OLFM2: variants seen among roughly 807,000 people sequenced by gnomAD.
OLFM2 encodes the protein noelin-2.
Under a neutral mutation model 43.9 loss-of-function variants are expected in OLFM2, and 20 were observed. The observed-to-expected ratio is 0.46, with a 90% CI of 0.32 to 0.66. The LOEUF is 0.66. Ranked by LOEUF, OLFM2 falls within the 30% of genes least tolerant of loss-of-function variation. The pLI, the probability that OLFM2 is intolerant of heterozygous loss-of-function variation, is 0.04. For missense variants in OLFM2, 416 were observed against 643.6 expected (o/e 0.65, Z 3.83); for synonymous variants, 268 against 278.6 (o/e 0.96, Z 0.38).
At chr19:9,914,609 T>C (rs1218326244) in intron 1 of OLFM2, among the ~76,000 whole-genome samples, 1 of 150,460 alleles carries the variant, frequency 6.6e-6, no homozygotes, top group Non-Finnish European at 1.5e-5. Flanking sequence ...CTTGCAACTT[T>C]AACTTTGGGT....
At chr19:9,893,816 T>G (rs956917231) in intron 1 of OLFM2, among the ~76,000 whole-genome samples, 5 of 152,150 alleles carry the variant, frequency 3.3e-5, no homozygotes, top group African/African-American at 1.2e-4. Flanking sequence ...TTTCAAGGAT[T>G]ATTACCAGGG....
rs111395145 is a variant in OLFM2, at chr19:9,892,557, G to A, written c.64-31763C>T. On this transcript the variant is annotated intron_variant, in intron 1 of 5. Transcript: ENST00000264833. ...AAAACCCTGTCTCTACTAAAAATACGAAAATTAGCTAGGCTTGGTGGCGGG... is the reference window on the plus strand; with the variant it reads ...AAAACCCTGTCTCTACTAAAAATACAAAAATTAGCTAGGCTTGGTGGCGGG... Among the ~76,000 whole-genome samples the A allele has an allele frequency of 9.3e-3, 1,406 of 151,980 alleles. 21 individuals are homozygous for A. The highest frequency in any genetic ancestry group is 0.032 in the African/African-American group (1,347 of 41,514).
intron 1 of OLFM2, among the ~76,000 whole-genome samples, chr19:9,932,665 C>T (rs1385454021): frequency 2.6e-5 from 4 of 151,974 alleles, no homozygotes; most frequent in African/African-American, 4.8e-5. Flanking sequence ...CCCTGAGGCA[C>T]GTGATCTAAA....
chr19:9,896,708 T>C (rs1416566855), intron 1 of OLFM2, among the ~76,000 whole-genome samples: 1 of 152,190 alleles, frequency 6.6e-6, no homozygotes, highest in Non-Finnish European at 1.5e-5. Flanking sequence ...CCAAATTACA[T>C]CAAATCTCCT....
chr19:9,909,361 T>A (rs2046810006), intron 1 of OLFM2, among the ~76,000 whole-genome samples: 1 of 152,154 alleles, frequency 6.6e-6, no homozygotes, highest in South Asian at 2.1e-4. Flanking sequence ...CTTAGTCTGG[T>A]CCTGGATTTA....
chr19:9,924,907 C>CGT (rs2086443527), intron 1 of OLFM2, among the ~76,000 whole-genome samples: 1 of 150,368 alleles, frequency 6.7e-6, no homozygotes, highest in African/African-American at 2.5e-5. Flanking sequence ...TATATATATG[C>CGT]GTGTATATAT....
intron 1 of OLFM2, among the ~76,000 whole-genome samples, chr19:9,919,377 A>G (rs557143879): frequency 6.6e-6 from 1 of 152,254 alleles, no homozygotes; most frequent in African/African-American, 2.4e-5. Context: ...TGTGTTAGCC[A>G]GGATGGTCTC....
In OLFM2 at chr19:9,854,999, C is replaced by T; in HGVS notation, c.688-136G>A. The stretch of plus-strand genomic sequence containing the variant: ...GGGAACTCTGTTGACCATTCATTAC[C>T]AATTATGGCCCTAGTGTGACCATGA... On this transcript the variant is annotated intron_variant, in intron 5 of 5. Coordinates refer to ENST00000264833, the MANE Select transcript of OLFM2 (RefSeq NM_058164.4). This position sits in a 1 kb window ranked among gnomAD's most constrained non-coding sequence, Gnocchi z 9.5. The T allele has an allele frequency of 1.5e-6, 1 of 659,330 alleles. No homozygotes were observed. Among genetic ancestry groups the T allele is most frequent in the South Asian group, 2.0e-5 (1 of 50,524 alleles). The allele number at this position is 659,330 out of a possible 1,614,324, so 40.8% of individuals were successfully genotyped here.
At chr19:9,930,960 C>T (rs1396298767) in intron 1 of OLFM2, among the ~76,000 whole-genome samples, 2 of 152,136 alleles carry the variant, frequency 1.3e-5, no homozygotes, top group African/African-American at 2.4e-5. Context: ...CATACGCACG[C>T]GCCCACGCAC....
intron 1 of OLFM2, among the ~76,000 whole-genome samples, chr19:9,908,173 T>C (rs10410395): frequency 0.64 from 97,550 of 151,924 alleles, 31,852 homozygotes; most frequent in African/African-American, 0.75. Context: ...TCCTCCAACA[T>C]GCCAGGCGTG....
chr19:9,870,961 C>T (rs1005941062), intron 1 of OLFM2, among the ~76,000 whole-genome samples: 2 of 151,968 alleles, frequency 1.3e-5, no homozygotes, highest in African/African-American at 4.8e-5. Flanking sequence ...TTTGGGAGGC[C>T]GAGGTGAGCT....
At chr19:9,925,711 G>T (rs375453131) in intron 1 of OLFM2, among the ~76,000 whole-genome samples, 2 of 151,912 alleles carry the variant, frequency 1.3e-5, no homozygotes, top group South Asian at 2.1e-4. Flanking sequence ...TGGGATTACA[G>T]GTGTGAGCCA....
chr19:9,903,906 T>G (rs1002900906), intron 1 of OLFM2, among the ~76,000 whole-genome samples: 1 of 152,176 alleles, frequency 6.6e-6, no homozygotes, highest in Non-Finnish European at 1.5e-5. Context: ...CTACTTGTTA[T>G]TCTACTGAAG....
chr19:9,857,461 C>G lies in OLFM2; in HGVS notation c.382G>C (p.Glu128Gln). The G allele has an allele frequency of 6.2e-7, 1 of 1,613,938 alleles. No individual in the cohort carries two copies. The highest frequency in any genetic ancestry group is 8.5e-7 in the Non-Finnish European group (1 of 1,180,026). ...SFQELKDRMT[E>Q]LLPLSSVLEQ... ...AGGACCGAGCTCAGGGGCAACAGTT[C>G]CGTCATCCTGTCCTTCAGCTCCTGT... Residue 128 changes from glutamate (E) to glutamine (Q), a missense_variant, in exon 4 of 6, where the codon GAA becomes CAA. Transcript: ENST00000264833. The surrounding 1 kb of genome is among the most constrained non-coding windows in gnomAD (Gnocchi z 5.7).
At chr19:9,903,885 A>G (rs1210138581) in intron 1 of OLFM2, among the ~76,000 whole-genome samples, 1 of 152,124 alleles carries the variant, frequency 6.6e-6, no homozygotes. Flanking sequence ...GCATCACACT[A>G]AAGGCTACAT....
At chr19:9,894,412 T>TAATAATAATAATAAA (rs34379733) in intron 1 of OLFM2, among the ~76,000 whole-genome samples, 716 of 62,228 alleles carry the variant, frequency 0.012, 11 homozygotes, top group African/African-American at 0.029. Flanking sequence ...ATAATAATAA[T>TAATAATAATAATAAA]AAATAAATAA....
At chr19:9,905,079 T>G (rs1247763539) in intron 1 of OLFM2, among the ~76,000 whole-genome samples, 1 of 151,682 alleles carries the variant, frequency 6.6e-6, no homozygotes, top group Non-Finnish European at 1.5e-5. Flanking sequence ...CCCAGCACTT[T>G]GGGAGGCCAA....
intron 1 of OLFM2, among the ~76,000 whole-genome samples, chr19:9,899,175 G>T (rs1354862488): frequency 1.3e-5 from 2 of 151,890 alleles, no homozygotes; most frequent in African/African-American, 4.8e-5. Flanking sequence ...TGAGGCAGGA[G>T]AATCACTTGA....
At chr19:9,926,857 C>T (rs1017345025) in intron 1 of OLFM2, among the ~76,000 whole-genome samples, 9 of 152,122 alleles carry the variant, frequency 5.9e-5, no homozygotes, top group Non-Finnish European at 1.2e-4. Context: ...TGGTGGCACA[C>T]GCCTGTGGTC....
Sources: gnomAD v4.1 joint callset for allele counts (sites outside exome capture counted in the v4.1 genomes callset) on GRCh38, gnomAD v4.1.1 for gene constraint, Gnocchi (gnomAD v3.1) non-coding constraint, MANE v1.5 for transcripts, NCBI Gene and HGNC (gene_info 2026-07-23, HGNC 2026-07-21) for gene names.